The following PRKCE variants were observed in gnomAD, a reference collection of about 807,000 sequenced individuals.
The protein encoded by PRKCE is protein kinase C epsilon type.
PRKCE carries 16 observed loss-of-function variants against 85.4 expected under a neutral mutation model. That is an observed-to-expected ratio of 0.19 (90% CI 0.13 to 0.28). The LOEUF (loss-of-function observed/expected upper bound fraction) is 0.28. PRKCE is among the 10% of genes least tolerant of loss of function. PRKCE has a pLI of 1.00. For synonymous variants in PRKCE, 388 were observed against 371.5 expected, an observed-to-expected ratio of 1.04 and a Z score of -0.51; for missense variants, 573 against 975.2, an observed-to-expected ratio of 0.59 and a Z score of 5.49.
chr2:45,801,192 G>A (rs1359444547), intron 1 of PRKCE, among the ~76,000 whole-genome samples: 4 of 152,184 alleles, frequency 2.6e-5, no homozygotes, highest in East Asian at 1.9e-4. Context: ...TGATGGCCGC[G>A]CTCAGGAGAT....
intron 2 of PRKCE, among the ~76,000 whole-genome samples, chr2:45,972,307 T>C (rs867760078): frequency 2.0e-5 from 3 of 152,346 alleles, no homozygotes; most frequent in African/African-American, 7.2e-5. Flanking sequence ...TGTTTTTAAA[T>C]TGGATTATTT....
intron 1 of PRKCE, among the ~76,000 whole-genome samples, chr2:45,706,353 A>G (rs970850520): frequency 6.6e-6 from 1 of 152,196 alleles, no homozygotes; most frequent in East Asian, 1.9e-4. Context: ...GATGGTAATG[A>G]GAAAATGAGG....
At chr2:45,977,613 G>C (rs1702560319) in intron 3 of PRKCE, among the ~76,000 whole-genome samples, 1 of 151,312 alleles carries the variant, frequency 6.6e-6, no homozygotes, top group African/African-American at 2.4e-5. Flanking sequence ...CTCCAACCTG[G>C]GTGTGACAGA....
intron 10 of PRKCE, among the ~76,000 whole-genome samples, chr2:46,017,832 C>A (rs1291820070): frequency 4.6e-5 from 7 of 152,132 alleles, no homozygotes; most frequent in Non-Finnish European, 1.0e-4. Flanking sequence ...ATAAGAAAAC[C>A]AAGGCCCAGT....
rs61760004 is a variant in PRKCE at position 46,184,012 on chromosome 2, A to G, written c.2068-723A>G. Among the ~76,000 whole-genome samples, 8,158 of 152,188 alleles carry G rather than the reference A, an allele frequency of 0.054. 384 individuals are homozygous for G. The highest frequency in any genetic ancestry group is 0.26 in the East Asian group (1,346 of 5,176). On this transcript the variant is annotated intron_variant, in intron 14 of 14. Transcript: ENST00000306156. This position sits in a 1 kb window ranked among gnomAD's most constrained non-coding sequence, Gnocchi z 5.0. Reference sequence around the variant, plus strand: ...ACCTTGGGAACTTCAACCCAGAGGTATGGGTCCTTCAGAGCTGGGGAGTCA... The same window carrying G: ...ACCTTGGGAACTTCAACCCAGAGGTGTGGGTCCTTCAGAGCTGGGGAGTCA...
chr2:46,124,718 C>G (rs142596222), intron 11 of PRKCE, among the ~76,000 whole-genome samples: 1 of 152,352 alleles, frequency 6.6e-6, no homozygotes, highest in East Asian at 1.9e-4. Flanking sequence ...ACTACAAACT[C>G]TTTGAAGACT....
chr2:45,868,724 G>T lies in PRKCE; in HGVS notation c.412+25661G>T, dbSNP rs146802825. On this transcript the variant is annotated intron_variant, in intron 2 of 14. Transcript: ENST00000306156. ...GGCCGAGGTGGGCGGATCGTCTGAG[G>T]TCAGGAGTTCAAGACCAGCCTGGCC... 5.3e-3 allele frequency among the ~76,000 whole-genome samples: 760 copies of T among 142,634 alleles called. 6 individuals are homozygous for T. Among genetic ancestry groups the T allele is most frequent in the African/African-American group, 0.018 (722 of 39,064 alleles). 93.6% of individuals were successfully genotyped at this position (142,634 alleles called of 152,430 possible). A position where few individuals can be genotyped will look rare whatever the true frequency, so the allele number is the denominator to read the frequency against.
At chr2:45,997,649 C>T (rs543163355) in intron 6 of PRKCE, among the ~76,000 whole-genome samples, 5 of 152,182 alleles carry the variant, frequency 3.3e-5, no homozygotes, top group African/African-American at 7.2e-5. Flanking sequence ...CGAGTTCAAG[C>T]GATTCTCCTG....
At chr2:46,098,825 A>G (rs930213969) in intron 11 of PRKCE, among the ~76,000 whole-genome samples, 1 of 151,908 alleles carries the variant, frequency 6.6e-6, no homozygotes, top group African/African-American at 2.4e-5. Context: ...AACAAGTGGC[A>G]GCTTTGCCGT....
chr2:45,899,224 A>G (rs960505775), intron 2 of PRKCE, among the ~76,000 whole-genome samples: 3 of 152,222 alleles, frequency 2.0e-5, no homozygotes, highest in African/African-American at 7.2e-5. Context: ...CAGAGGTCAC[A>G]TAGGTCTGAA....
chr2:46,000,773 C>T (rs1244405489), intron 6 of PRKCE: 2 of 152,344 alleles, frequency 1.3e-5, no homozygotes, highest in African/African-American at 4.8e-5. Context: ...AGTTTTTCTA[C>T]CCCAGCATTG....
chr2:45,704,404 G>A (rs935525921), intron 1 of PRKCE, among the ~76,000 whole-genome samples: 3 of 152,198 alleles, frequency 2.0e-5, no homozygotes, highest in Non-Finnish European at 4.4e-5. Context: ...AGAGAAAGGG[G>A]TGAACCTGTA....
At position 45,738,033 on chromosome 2, in the gene PRKCE, C is replaced by T. The variant is rs189471155; in HGVS notation, c.348+85585C>T. ...AGGTCCTGACAGCCTCCTATGCCAG[C>T]GTCCTCCTCTCCACAGTCCTGCTGC... On this transcript the variant is annotated intron_variant, in intron 1 of 14. Transcript: ENST00000306156. Among the ~76,000 whole-genome samples, 6 of 152,228 alleles carry T rather than the reference C, an allele frequency of 3.9e-5. No individual in the cohort carries two copies. The East Asian group carries it at 5.8e-4, about 15-fold the overall frequency.
rs551546220 is a variant in PRKCE, at chr2:45,783,198, C to T, written c.349-59802C>T. 2.0e-5 allele frequency among the ~76,000 whole-genome samples: 3 copies of T among 152,326 alleles called. No homozygotes were observed. In the South Asian group the frequency reaches 6.2e-4, roughly 32 times the overall value. ...CTCTAAATGCTGGAATGACTTCCAG[C>T]TCCTTTACGCACAGCCATCTCAAAA... On this transcript the variant is annotated intron_variant, in intron 1 of 14. Transcript: ENST00000306156.
At chr2:46,152,214 C>T (rs533257398) in intron 13 of PRKCE, among the ~76,000 whole-genome samples, 6 of 150,508 alleles carry the variant, frequency 4.0e-5, no homozygotes, top group African/African-American at 1.5e-4. Flanking sequence ...CAGAGTCTCA[C>T]TGCAATGGCC....
intron 1 of PRKCE, among the ~76,000 whole-genome samples, chr2:45,672,643 G>T (rs1676230228): frequency 6.6e-6 from 1 of 152,208 alleles, no homozygotes; most frequent in Admixed American, 6.5e-5. Flanking sequence ...CCTGTGGGCT[G>T]ATAAAACCTG....
At chr2:45,702,253 C>A (rs1050483825) in intron 1 of PRKCE, among the ~76,000 whole-genome samples, 1 of 152,086 alleles carries the variant, frequency 6.6e-6, no homozygotes, top group Non-Finnish European at 1.5e-5. Flanking sequence ...GGGAGTCCTC[C>A]GCTCAGATAC....
At chr2:45,865,029 T>C (rs1693474153) in intron 2 of PRKCE, among the ~76,000 whole-genome samples, 1 of 152,238 alleles carries the variant, frequency 6.6e-6, no homozygotes, top group African/African-American at 2.4e-5. Context: ...GACCAAGTTT[T>C]GAGAAGCTCT....
intron 1 of PRKCE, among the ~76,000 whole-genome samples, chr2:45,773,166 C>T (rs1685477235): frequency 1.3e-5 from 2 of 152,184 alleles, no homozygotes; most frequent in Admixed American, 1.3e-4. Context: ...CCAAGAAGAT[C>T]CATGTTGGCT....
Sources: gnomAD v4.1 joint callset for allele counts (sites outside exome capture counted in the v4.1 genomes callset) on GRCh38, gnomAD v4.1.1 for gene constraint, Gnocchi (gnomAD v3.1) non-coding constraint, MANE v1.5 for transcripts, NCBI Gene and HGNC (gene_info 2026-07-23, HGNC 2026-07-21) for gene names.